Variants in DCTN1 observed in about 807,000 individuals in gnomAD.
The protein encoded by DCTN1 is dynactin subunit 1.
DCTN1 carries 61 observed loss-of-function variants against 161.2 expected under a neutral mutation model. The observed-to-expected ratio is 0.38, with a 90% CI of 0.31 to 0.47. The LOEUF (loss-of-function observed/expected upper bound fraction) is 0.47. Among genes scored for constraint, DCTN1 ranks in the 20% least tolerant of loss-of-function variants. The pLI is 0.99. For missense variants in DCTN1, 1,404 were observed against 1,623.7 expected (o/e 0.86, Z 2.33); for synonymous variants, 653 against 632.4 (o/e 1.03, Z -0.49).
Position 74,362,685 on chromosome 2 carries a change from G to A in DCTN1, c.3574C>T (p.Leu1192Phe), listed in dbSNP as rs993994985. 6.2e-7 allele frequency: 1 copy of A among 1,614,014 alleles called. No homozygotes were observed. The highest frequency in any genetic ancestry group is 8.5e-7 in the Non-Finnish European group (1 of 1,179,980). ...TCGACGGTGTCACTCAGGGACTTAAGCTGAGCCACTTGCTCCATAAGTTGG... is the reference window on the plus strand; with the variant it reads ...TCGACGGTGTCACTCAGGGACTTAAACTGAGCCACTTGCTCCATAAGTTGG... Reference protein sequence around the residue: ...SAQLMEQVAQLKSLSDTVEKL... With the variant: ...SAQLMEQVAQFKSLSDTVEKL... The change falls in exon 30 of 32, where the codon CTT (leucine) becomes TTT (phenylalanine). Residue 1192 changes from leucine to phenylalanine, a missense_variant. Transcript: ENST00000628224.
intron 2 of DCTN1, 24 bp downstream of exon 2, chr2:74,377,976 G>T: frequency 6.2e-7 from 1 of 1,613,628 alleles, no homozygotes; most frequent in South Asian, 1.1e-5. Flanking sequence ...CACATGCACA[G>T]ACACAAAAGA....
In DCTN1 at chr2:74,370,900, C is replaced by G. The variant is rs1283940746; in HGVS notation, c.844-75G>C. 1 of 1,613,258 alleles carries G rather than the reference C, an allele frequency of 6.2e-7. No individual in the cohort carries two copies. Among genetic ancestry groups the G allele is most frequent in the Non-Finnish European group, 8.5e-7 (1 of 1,179,850 alleles). On this transcript the variant is annotated intron_variant, in intron 9 of 31. Coordinates refer to ENST00000628224, the MANE Select transcript of DCTN1 (RefSeq NM_004082.5). The surrounding 1 kb of genome is among the most constrained non-coding windows in gnomAD (Gnocchi z 4.4). ...GGCCTTTCTCACAGTATGTTCCAGG[C>G]TCCAGCTCCAGTCTAGTTTCCAGCA...
Position 74,369,930 on chromosome 2 carries a change from C to G in DCTN1, c.1392+35G>C. 6.2e-7 allele frequency: 1 copy of G among 1,604,790 alleles called. No individual in the cohort carries two copies. ...CATGTCAATCTTTTTCTCAGCAGGT[C>G]CAAGTCAGATGTCAGGGGTCTGCTC... On this transcript the variant is annotated intron_variant, in intron 13 of 31. Coordinates refer to ENST00000628224, the MANE Select transcript of DCTN1 (RefSeq NM_004082.5). The surrounding 1 kb of genome is among the most constrained non-coding windows in gnomAD (Gnocchi z 4.9).
At chr2:74,391,156 T>A (rs539777988) in intron 1 of DCTN1, 1 of 153,456 alleles carries the variant, frequency 6.5e-6, no homozygotes, top group Non-Finnish European at 1.5e-5. Context: ...CTCTACCTCC[T>A]AGCTCTTCGC....
At chr2:74,373,499 C>T (rs1016197628) in intron 6 of DCTN1, 1 of 184,258 alleles carries the variant, frequency 5.4e-6, no homozygotes. Flanking sequence ...CTCCCTCCCC[C>T]AACCCCCTTC....
At chr2:74,388,749 AG>A (rs1217981327) in intron 1 of DCTN1, among the ~76,000 whole-genome samples, 1 of 152,230 alleles carries the variant, frequency 6.6e-6, no homozygotes. Flanking sequence ...CACTCGGCGT[AG>A]GGCTTTGCAA....
Position 74,367,388 on chromosome 2 carries a change from A to C in DCTN1, c.2217T>G (p.Pro739=), listed in dbSNP as rs1553464448. Residue 739 remains proline, a synonymous_variant, in exon 19 of 32, where the codon CCT becomes CCG. Transcript: ENST00000628224. ...CAGCCAGCTGCATAGTACAGTCCTCAGGCTGTTCGGCAAGGTGGATGCTGT... is the reference window on the plus strand; with the variant it reads ...CAGCCAGCTGCATAGTACAGTCCTCCGGCTGTTCGGCAAGGTGGATGCTGT... ...HLYSIHLAEQ[P]EDCTMQLADH... is the part of the protein sequence containing the mutation. The C allele has an allele frequency of 6.2e-7, 1 of 1,614,144 alleles. No homozygotes were observed. Among genetic ancestry groups the C allele is most frequent in the South Asian group, 1.1e-5 (1 of 91,072 alleles).
intron 23 of DCTN1, 90 bp from the exon 24 acceptor site, chr2:74,366,108 A>AAAC: frequency 6.2e-7 from 1 of 1,612,136 alleles, no homozygotes; most frequent in Non-Finnish European, 8.5e-7. Context: ...GTTACAGGGA[A>AAAC]AACCCTGCCT....
intron 1 of DCTN1, among the ~76,000 whole-genome samples, chr2:74,389,489 A>C (rs10469967): frequency 0.026 from 4,032 of 152,280 alleles, 202 homozygotes; most frequent in African/African-American, 0.091. Context: ...TAGAGCTGGC[A>C]GAGTAAAACC....
At chr2:74,374,449 GAGACCGAAC>G in intron 5 of DCTN1, 109 bp from the exon 6 acceptor site, 2 of 1,579,392 alleles carry the variant, frequency 1.3e-6, no homozygotes, top group South Asian at 2.3e-5. Context: ...GGGAGGGCAA[GAGACCGAAC>G]AGAGGGAAAG....
intron 1 of DCTN1, among the ~76,000 whole-genome samples, chr2:74,386,048 T>C (rs1675714991): frequency 6.6e-6 from 1 of 152,212 alleles, no homozygotes; most frequent in Non-Finnish European, 1.5e-5. Flanking sequence ...CTTGTCTTTC[T>C]AGTCAGGATG....
Position 74,362,739 on chromosome 2 carries a change from G to C in DCTN1, c.3530-10C>G. The C allele has an allele frequency of 6.2e-7, 1 of 1,613,668 alleles. No homozygotes were observed. The highest frequency in any genetic ancestry group is 8.5e-7 in the Non-Finnish European group (1 of 1,179,860). On this transcript the variant is annotated splice_polypyrimidine_tract_variant and intron_variant, in intron 29 of 31. Coordinates refer to ENST00000628224, the MANE Select transcript of DCTN1 (RefSeq NM_004082.5). The stretch of plus-strand genomic sequence containing the variant: ...GACGGGCTCTTGGCAGCTGTGGGGA[G>C]AGAAAGCTGGTGAGGCCCACCAAGG...
intron 20 of DCTN1, 47 bp downstream of exon 20, chr2:74,366,998 G>A: frequency 3.7e-6 from 6 of 1,614,142 alleles, no homozygotes; most frequent in Non-Finnish European, 5.1e-6. Flanking sequence ...AAGGAAGTGA[G>A]GACTAAGAAA....
At chr2:74,377,400 T>A (rs767828630) in intron 4 of DCTN1, 32 bp downstream of exon 4, 8 of 1,593,074 alleles carry the variant, frequency 5.0e-6, no homozygotes, top group Non-Finnish European at 6.9e-6. Flanking sequence ...CCTCCCTTTA[T>A]TATTCCCCAT....
In DCTN1 at chr2:74,369,706, G is replaced by A. The variant is rs765747256; in HGVS notation, c.1393-215C>T. Among the ~76,000 whole-genome samples the A allele has an allele frequency of 2.9e-4, 44 of 151,958 alleles. 1 individual carries two copies. The highest frequency in any genetic ancestry group is 5.9e-5 in the Non-Finnish European group (4 of 67,992). ...CGCATGCCTGTAGTACCAGCTACTC[G>A]GGAGGCTGAGGCAGGAGAATCGCTT... On this transcript the variant is annotated intron_variant, in intron 13 of 31. Transcript: ENST00000628224. The surrounding 1 kb of genome is among the most constrained non-coding windows in gnomAD (Gnocchi z 4.9).
chr2:74,367,624 A>G, intron 18 of DCTN1, 72 bp downstream of exon 18: 2 of 1,605,552 alleles, frequency 1.2e-6, no homozygotes, highest in South Asian at 2.2e-5. Flanking sequence ...AACCTTGAAT[A>G]TATTAGTAAG....
At chr2:74,373,541 A>G (rs942690606) in intron 6 of DCTN1, among the ~76,000 whole-genome samples, 5 of 152,162 alleles carry the variant, frequency 3.3e-5, no homozygotes, top group African/African-American at 1.2e-4. Context: ...AGTCCCGATC[A>G]CTAGGGAAGA....
Position 74,370,850 on chromosome 2 carries a change from G to T in DCTN1, c.844-25C>A. 6.2e-7 allele frequency: 1 copy of T among 1,614,066 alleles called. No individual in the cohort carries two copies. Among genetic ancestry groups the T allele is most frequent in the Non-Finnish European group, 8.5e-7 (1 of 1,179,966 alleles). ...CCTGAGGAAGAAGTGGAGGTGGGAG[G>T]GGGTACCAGCACAGAGATGCCCCAG... On this transcript the variant is annotated intron_variant, in intron 9 of 31. Coordinates refer to ENST00000628224, the MANE Select transcript of DCTN1 (RefSeq NM_004082.5). The surrounding 1 kb of genome is among the most constrained non-coding windows in gnomAD (Gnocchi z 4.4).
In DCTN1 at chr2:74,380,300, G is replaced by A. The variant is rs1013222986; in HGVS notation, c.-263C>T. ...CACAGAATCCTGCTTGCCAGCTGAT[G>A]AGTCTCACTCTGCGCTAGTGCTGCT... On this transcript the variant is annotated 5_prime_UTR_variant, in exon 1 of 32. Coordinates refer to ENST00000628224, the MANE Select transcript of DCTN1 (RefSeq NM_004082.5). 9 of 597,198 alleles carry A rather than the reference G, an allele frequency of 1.5e-5. No homozygotes were observed. Among genetic ancestry groups the A allele is most frequent in the Non-Finnish European group, 2.8e-5 (9 of 324,270 alleles). The allele number at this position is 597,198 out of a possible 1,614,324, so 37.0% of individuals were successfully genotyped here. A position where few individuals can be genotyped will look rare whatever the true frequency, so the allele number is the denominator to read the frequency against.
Sources: allele counts gnomAD v4.1 joint callset (sites outside exome capture counted in the v4.1 genomes callset), GRCh38; gene constraint gnomAD v4.1.1; non-coding constraint Gnocchi (gnomAD v3.1); transcripts MANE v1.5; gene names NCBI Gene and HGNC (gene_info 2026-07-23, HGNC 2026-07-21).